The following CNTNAP2 variants were observed in gnomAD, a reference collection of about 807,000 sequenced individuals.
The protein encoded by CNTNAP2 is contactin-associated protein-like 2.
CNTNAP2 carries 98 observed loss-of-function variants against 155.2 expected under a neutral mutation model. The ratio of observed to expected loss-of-function variants is 0.63; its 90% CI spans 0.54 to 0.75. The LOEUF is 0.75. Among genes scored for constraint, CNTNAP2 ranks in the 30% least tolerant of loss-of-function variants. The pLI, the probability that CNTNAP2 is intolerant of heterozygous loss-of-function variation, is 0.00. For missense variants in CNTNAP2, 1,727 were observed against 1,688.1 expected, an observed-to-expected ratio of 1.02 and a Z score of -0.40; for synonymous variants, 651 against 631.2, an observed-to-expected ratio of 1.03 and a Z score of -0.47.
chr7:147,939,802 T>TCTCA (rs1800683850), intron 14 of CNTNAP2, among the ~76,000 whole-genome samples: 1 of 151,498 alleles, frequency 6.6e-6, no homozygotes, highest in African/African-American at 2.4e-5. Context: ...TCTCTCTCTC[T>TCTCA]CACACACACA....
At chr7:146,431,288 A>G (rs1282039452) in intron 1 of CNTNAP2, among the ~76,000 whole-genome samples, 2 of 152,024 alleles carry the variant, frequency 1.3e-5, no homozygotes, top group African/African-American at 4.8e-5. Context: ...TTGAAAATTT[A>G]TCATGCATTC....
At chr7:147,775,323 T>A (rs368490416) in intron 13 of CNTNAP2, among the ~76,000 whole-genome samples, 573 of 29,330 alleles carry the variant, frequency 0.02, 8 homozygotes, top group African/African-American at 0.063. Context: ...ATATATATAT[T>A]TATATATATT....
intron 3 of CNTNAP2, among the ~76,000 whole-genome samples, chr7:147,016,787 C>T (rs1798731685): frequency 6.6e-6 from 1 of 151,818 alleles, no homozygotes. Context: ...AAAAATGGGG[C>T]TCAAAGTGAA....
intron 1 of CNTNAP2, among the ~76,000 whole-genome samples, chr7:146,316,975 A>G (rs1800917931): frequency 2.0e-5 from 3 of 152,102 alleles, no homozygotes. Flanking sequence ...ATATTTACAA[A>G]TCACTCAAAC....
At chr7:148,382,991 T>C (rs1186058732) in intron 21 of CNTNAP2, among the ~76,000 whole-genome samples, 3 of 152,206 alleles carry the variant, frequency 2.0e-5, no homozygotes, top group Admixed American at 6.5e-5. Context: ...TGGGAAGATG[T>C]TGAGCCTACA....
intron 1 of CNTNAP2, among the ~76,000 whole-genome samples, chr7:146,562,463 A>C (rs945768739): frequency 2.0e-5 from 3 of 151,970 alleles, no homozygotes; most frequent in Admixed American, 6.5e-5. Context: ...TACTTGATAA[A>C]CCAAACTTAA....
intron 15 of CNTNAP2, among the ~76,000 whole-genome samples, chr7:148,099,756 G>A (rs546324953): frequency 1.7e-4 from 26 of 151,216 alleles, no homozygotes; most frequent in African/African-American, 5.8e-4. Context: ...ATAGCACACA[G>A]CACTCTTGAA....
intron 1 of CNTNAP2, among the ~76,000 whole-genome samples, chr7:146,711,215 C>CATATATTTTATATATACATATACAT (rs1801063443): frequency 6.8e-5 from 10 of 147,774 alleles, no homozygotes; most frequent in Admixed American, 2.7e-4. Context: ...CACACATACA[C>CATATATTTTATATATACATATACAT]ATATATTTTA....
At chr7:147,155,911 G>A (rs1414243115) in intron 8 of CNTNAP2, among the ~76,000 whole-genome samples, 1 of 152,058 alleles carries the variant, frequency 6.6e-6, no homozygotes, top group East Asian at 1.9e-4. Flanking sequence ...TGCCATGTGT[G>A]CTAATATATC....
chr7:146,883,272 T>C (rs1795590097), intron 3 of CNTNAP2, among the ~76,000 whole-genome samples: 1 of 152,176 alleles, frequency 6.6e-6, no homozygotes. Flanking sequence ...ATATTCCCTA[T>C]AAAGGTGTTT....
chr7:148,403,610 G>A (rs1027696176), intron 22 of CNTNAP2, among the ~76,000 whole-genome samples: 3 of 152,180 alleles, frequency 2.0e-5, no homozygotes, highest in African/African-American at 7.2e-5. Context: ...TGAGGGGAAC[G>A]TGGATGTTAG....
chr7:147,594,909 G>A (rs1050451424), intron 12 of CNTNAP2, among the ~76,000 whole-genome samples: 4 of 151,994 alleles, frequency 2.6e-5, no homozygotes, highest in South Asian at 2.1e-4. Flanking sequence ...GAGAGAAAGC[G>A]GAAGGAGAGA....
At chr7:148,113,392 G>A (rs1804397983) in intron 15 of CNTNAP2, among the ~76,000 whole-genome samples, 1 of 152,102 alleles carries the variant, frequency 6.6e-6, no homozygotes, top group Admixed American at 6.5e-5. Flanking sequence ...AGCACCAAGG[G>A]CAATGGTGCT....
At position 147,410,756 on chromosome 7, in the gene CNTNAP2, TAA is replaced by T. The variant is rs553435618; in HGVS notation, c.1670+14977_1670+14978del. ...AATACTTCATACACACACAGGAATA[TAA>T]GACAGCTCATTGATCATTTTTGTAT... is the stretch of plus-strand genomic sequence containing the variant. On this transcript the variant is annotated intron_variant, in intron 10 of 23. Transcript: ENST00000361727. 7.5e-4 allele frequency among the ~76,000 whole-genome samples: 114 copies of T among 152,330 alleles called. 2 individuals are homozygous for T. Among genetic ancestry groups the T allele is most frequent in the African/African-American group, 2.6e-3 (109 of 41,568 alleles).
intron 3 of CNTNAP2, among the ~76,000 whole-genome samples, chr7:146,905,977 A>G (rs1465732061): frequency 6.6e-6 from 1 of 152,216 alleles, no homozygotes; most frequent in Admixed American, 6.5e-5. Context: ...AGGGCGAGGC[A>G]TTGCCTCACC....
intron 1 of CNTNAP2, among the ~76,000 whole-genome samples, chr7:146,564,910 A>G (rs1339490542): frequency 6.6e-6 from 1 of 152,146 alleles, no homozygotes; most frequent in African/African-American, 2.4e-5. Context: ...CATATTCTAT[A>G]GATAAGAAAC....
At chr7:146,334,096 G>A (rs1169930438) in intron 1 of CNTNAP2, among the ~76,000 whole-genome samples, 1 of 152,112 alleles carries the variant, frequency 6.6e-6, no homozygotes, top group African/African-American at 2.4e-5. Context: ...AACTCAGTAG[G>A]CAAGAGGCAT....
At chr7:146,280,181 A>T (rs754285556) in intron 1 of CNTNAP2, among the ~76,000 whole-genome samples, 3 of 152,148 alleles carry the variant, frequency 2.0e-5, no homozygotes, top group Non-Finnish European at 2.9e-5. Context: ...TGTCCGACCA[A>T]ATCAGGAAAC....
At chr7:147,420,466 A>G (rs1011269897) in intron 10 of CNTNAP2, among the ~76,000 whole-genome samples, 2 of 152,220 alleles carry the variant, frequency 1.3e-5, no homozygotes, top group African/African-American at 2.4e-5. Context: ...TTGCTCCCCA[A>G]GTATTTCCAA....
Sources: allele counts gnomAD v4.1 joint callset (sites outside exome capture counted in the v4.1 genomes callset), GRCh38; gene constraint gnomAD v4.1.1; transcripts MANE v1.5; gene names NCBI Gene and HGNC (gene_info 2026-07-23, HGNC 2026-07-21).